PIP5K1B: variants seen among roughly 807,000 people sequenced by gnomAD.
PIP5K1B encodes the protein phosphatidylinositol 4-phosphate 5-kinase type-1 beta.
Under a neutral mutation model 67.0 loss-of-function variants are expected in PIP5K1B, and 42 were observed. The observed-to-expected ratio is 0.63, with a 90% CI of 0.49 to 0.81. The LOEUF (loss-of-function observed/expected upper bound fraction) is 0.81, where lower values mean the gene tolerates loss of function less well. Among genes scored for constraint, PIP5K1B ranks in the 30% least tolerant of loss-of-function variants. The pLI, the probability that PIP5K1B is intolerant of heterozygous loss-of-function variation, is 0.00. For synonymous variants in PIP5K1B, 214 were observed against 231.4 expected, an observed-to-expected ratio of 0.92 and a Z score of 0.68; for missense variants, 459 against 646.3, an observed-to-expected ratio of 0.71 and a Z score of 3.14.
chr9:68,729,279 T>C lies in PIP5K1B; in HGVS notation c.-242-13222T>C, dbSNP rs145702097. Among the ~76,000 whole-genome samples the C allele has an allele frequency of 4.2e-3, 636 of 152,294 alleles. 3 individuals carry two copies. Among genetic ancestry groups the C allele is most frequent in the African/African-American group, 0.015 (609 of 41,574 alleles). On this transcript the variant is annotated intron_variant, in intron 1 of 15. Coordinates refer to ENST00000265382, the MANE Select transcript of PIP5K1B (RefSeq NM_003558.4). ...TATTCATGTTCTTATAATATCCTTC[T>C]TATAAGAACTTTTCAAATTCTTCTA...
intron 2 of PIP5K1B, among the ~76,000 whole-genome samples, chr9:68,770,988 G>C (rs1830649215): frequency 6.6e-6 from 1 of 152,194 alleles, no homozygotes; most frequent in Non-Finnish European, 1.5e-5. Flanking sequence ...ATCGATCATA[G>C]TTAAAACCAT....
intron 2 of PIP5K1B, chr9:68,780,334 G>A (rs1351826715): frequency 6.2e-7 from 1 of 1,606,872 alleles, no homozygotes; most frequent in South Asian, 1.1e-5. Context: ...GAGGCGCCGA[G>A]CGCCAGGCGG....
intron 2 of PIP5K1B, among the ~76,000 whole-genome samples, chr9:68,803,154 G>T (rs1424896364): frequency 2.6e-5 from 4 of 152,190 alleles, no homozygotes; most frequent in Non-Finnish European, 2.9e-5. Flanking sequence ...TTGATTTCAG[G>T]CTTGGACAAC....
chr9:68,818,857 A>C (rs962449101), intron 3 of PIP5K1B, among the ~76,000 whole-genome samples: 4 of 152,196 alleles, frequency 2.6e-5, no homozygotes. Flanking sequence ...ATACTTGGAG[A>C]ATCTAACAAA....
At chr9:68,810,445 A>G (rs1833101369) in intron 2 of PIP5K1B, among the ~76,000 whole-genome samples, 1 of 152,218 alleles carries the variant, frequency 6.6e-6, no homozygotes, top group Non-Finnish European at 1.5e-5. Flanking sequence ...TTGTTGCTTC[A>G]CTTTATCAGT....
At chr9:68,723,703 T>TG (rs1172459286) in intron 1 of PIP5K1B, among the ~76,000 whole-genome samples, 1 of 148,080 alleles carries the variant, frequency 6.8e-6, no homozygotes. Context: ...TGGTTTTTTT[T>TG]TTTTTTTTTT....
intron 4 of PIP5K1B, among the ~76,000 whole-genome samples, chr9:68,831,421 A>T (rs1016826486): frequency 1.3e-5 from 2 of 152,178 alleles, no homozygotes; most frequent in African/African-American, 4.8e-5. Flanking sequence ...AGATGAGAAA[A>T]CAGGTACAGA....
chr9:68,892,850 C>T (rs1824867199), intron 7 of PIP5K1B, among the ~76,000 whole-genome samples: 2 of 152,128 alleles, frequency 1.3e-5, no homozygotes, highest in African/African-American at 4.8e-5. Context: ...GCAGGAGGAT[C>T]ACTTGAGGTC....
At chr9:68,837,476 T>C (rs1246976408) in intron 4 of PIP5K1B, among the ~76,000 whole-genome samples, 1 of 152,228 alleles carries the variant, frequency 6.6e-6, no homozygotes, top group African/African-American at 2.4e-5. Flanking sequence ...TTTTTATTGA[T>C]TTATGTGTAT....
At chr9:68,734,992 C>G (rs1828653191) in intron 1 of PIP5K1B, among the ~76,000 whole-genome samples, 1 of 152,190 alleles carries the variant, frequency 6.6e-6, no homozygotes, top group Non-Finnish European at 1.5e-5. Context: ...ATTTTTGTCA[C>G]TTTTCAGAAT....
At chr9:68,907,233 G>C (rs995261119) in intron 8 of PIP5K1B, among the ~76,000 whole-genome samples, 4 of 152,032 alleles carry the variant, frequency 2.6e-5, no homozygotes, top group African/African-American at 9.7e-5. Flanking sequence ...TTTTTTAGGT[G>C]AGCACCATTG....
intron 8 of PIP5K1B, among the ~76,000 whole-genome samples, chr9:68,912,934 A>G (rs1033520303): frequency 6.6e-6 from 1 of 152,250 alleles, no homozygotes; most frequent in Admixed American, 6.5e-5. Context: ...CAGAAGTTAC[A>G]GGAACACTCA....
intron 15 of PIP5K1B, among the ~76,000 whole-genome samples, chr9:68,992,034 C>T (rs191266211): frequency 1.3e-3 from 197 of 152,188 alleles, no homozygotes; most frequent in East Asian, 6.6e-3. Context: ...GGTGCGATCT[C>T]GGCTCACCGC....
intron 8 of PIP5K1B, among the ~76,000 whole-genome samples, chr9:68,912,995 G>GT: frequency 6.6e-6 from 1 of 152,296 alleles, no homozygotes; most frequent in Non-Finnish European, 1.5e-5. Context: ...TTCAAGAACA[G>GT]GTAGTTTTTG....
intron 8 of PIP5K1B, among the ~76,000 whole-genome samples, chr9:68,906,369 TC>T (rs2132463356): frequency 6.6e-6 from 1 of 152,278 alleles, no homozygotes; most frequent in African/African-American, 2.4e-5. Flanking sequence ...CTCATTTTTG[TC>T]CCTTCAAATA....
chr9:68,871,058 C>T (rs529878003), intron 5 of PIP5K1B, among the ~76,000 whole-genome samples: 73 of 152,312 alleles, frequency 4.8e-4, no homozygotes, highest in Non-Finnish European at 4.7e-4. Flanking sequence ...CCAAAACTAG[C>T]ACTTGGTCAT....
intron 2 of PIP5K1B, among the ~76,000 whole-genome samples, chr9:68,754,021 C>T (rs1270372834): frequency 6.6e-6 from 1 of 151,892 alleles, no homozygotes; most frequent in Non-Finnish European, 1.5e-5. Flanking sequence ...TTGTCAAGTT[C>T]TAAACAAAAC....
intron 13 of PIP5K1B, among the ~76,000 whole-genome samples, chr9:68,938,038 T>A (rs1827357968): frequency 6.6e-6 from 1 of 152,196 alleles, no homozygotes; most frequent in African/African-American, 2.4e-5. Context: ...AATTTTAGAA[T>A]AAGTGCAATG....
chr9:68,839,167 T>C (rs1168624083), intron 4 of PIP5K1B, among the ~76,000 whole-genome samples: 2 of 152,260 alleles, frequency 1.3e-5, no homozygotes, highest in African/African-American at 4.8e-5. Context: ...TGAAAGTCTG[T>C]GCTTTTTCAT....
Sources: gnomAD v4.1 joint callset for allele counts (sites outside exome capture counted in the v4.1 genomes callset) on GRCh38, gnomAD v4.1.1 for gene constraint, MANE v1.5 for transcripts, NCBI Gene and HGNC (gene_info 2026-07-23, HGNC 2026-07-21) for gene names.